The following CTNNA3 variants were observed in gnomAD, a reference collection of about 807,000 sequenced individuals.
The protein encoded by CTNNA3 is catenin alpha-3.
In CTNNA3, 76 loss-of-function variants were observed where a neutral mutation model predicts 95.7. The ratio of observed to expected loss-of-function variants is 0.79; its 90% confidence interval spans 0.66 to 0.96. The LOEUF is 0.96. Ranked by LOEUF, CTNNA3 falls within the 40% of genes least tolerant of loss-of-function variation. The pLI is 0.00. For synonymous variants in CTNNA3, 431 were observed against 374.4 expected (o/e 1.15, Z -1.74); for missense variants, 1,191 against 1,089.8 (o/e 1.09, Z -1.31).
chr10:66,065,374 C>T (rs10996874), intron 15 of CTNNA3, among the ~76,000 whole-genome samples: 25,953 of 151,854 alleles, frequency 0.17, 2,451 homozygotes, highest in South Asian at 0.35. Context: ...TATATTCAAA[C>T]ATCCAGAAGT....
At chr10:67,699,688 T>C (rs902056021), upstream of CTNNA3, among the ~76,000 whole-genome samples, 1 of 152,162 alleles carries the variant, frequency 6.6e-6, no homozygotes, top group Non-Finnish European at 1.5e-5. Flanking sequence ...GCTCCCAGCA[T>C]GAGCGACGCA....
chr10:67,640,529 A>G (rs1040583049), intron 2 of CTNNA3, among the ~76,000 whole-genome samples: 2 of 152,216 alleles, frequency 1.3e-5, no homozygotes, highest in Non-Finnish European at 2.9e-5. Flanking sequence ...GGAACCAAAA[A>G]AGAGCCTGCA....
At chr10:66,447,755 C>T (rs2093433261) in intron 11 of CTNNA3, among the ~76,000 whole-genome samples, 1 of 152,002 alleles carries the variant, frequency 6.6e-6, no homozygotes, top group Non-Finnish European at 1.5e-5. Context: ...CCATTCAGGA[C>T]ATAGGCATGG....
intron 13 of CTNNA3, among the ~76,000 whole-genome samples, chr10:66,277,893 T>C (rs1181148183): frequency 6.6e-6 from 1 of 151,980 alleles, no homozygotes; most frequent in Non-Finnish European, 1.5e-5. Flanking sequence ...CTCAGTTGCA[T>C]GGAACATCAG....
chr10:67,551,284 A>G (rs992240961), intron 3 of CTNNA3, among the ~76,000 whole-genome samples: 25 of 152,236 alleles, frequency 1.6e-4, no homozygotes, highest in African/African-American at 5.5e-4. Flanking sequence ...CGTGAAGAGG[A>G]CATCAAGAGC....
intron 12 of CTNNA3, among the ~76,000 whole-genome samples, chr10:66,298,974 C>T (rs1410373449): frequency 1.3e-5 from 2 of 152,124 alleles, no homozygotes; most frequent in Admixed American, 1.3e-4. Context: ...CATCCCTCTG[C>T]TCATTGAGAT....
At chr10:67,206,882 G>C (rs929008517) in intron 6 of CTNNA3, among the ~76,000 whole-genome samples, 1 of 152,110 alleles carries the variant, frequency 6.6e-6, no homozygotes, top group East Asian at 1.9e-4. Flanking sequence ...TGTAATCCCA[G>C]CACTTTGGGA....
chr10:66,966,787 G>GA (rs1158923465), intron 7 of CTNNA3, among the ~76,000 whole-genome samples: 12 of 151,836 alleles, frequency 7.9e-5, no homozygotes, highest in African/African-American at 2.9e-4. Flanking sequence ...AATAAATATG[G>GA]AAAAAAACAA....
chr10:66,618,545 C>A (rs372302054), intron 10 of CTNNA3, among the ~76,000 whole-genome samples: 127 of 152,054 alleles, frequency 8.4e-4, no homozygotes, highest in Middle Eastern at 3.4e-3. Flanking sequence ...CTTACACCTT[C>A]TACAAAAATT....
intron 3 of CTNNA3, among the ~76,000 whole-genome samples, chr10:67,544,260 C>T (rs1589408915): frequency 1.3e-5 from 2 of 152,096 alleles, no homozygotes; most frequent in Admixed American, 1.3e-4. Flanking sequence ...CCTTTCCTAC[C>T]TGAAACAAAA....
At chr10:66,385,457 C>G (rs2092881690) in intron 11 of CTNNA3, among the ~76,000 whole-genome samples, 1 of 151,994 alleles carries the variant, frequency 6.6e-6, no homozygotes, top group Non-Finnish European at 1.5e-5. Flanking sequence ...TAATAGGCTA[C>G]TAACCAAAAA....
intron 12 of CTNNA3, among the ~76,000 whole-genome samples, chr10:66,324,247 G>A (rs866430402): frequency 1.3e-5 from 2 of 152,088 alleles, no homozygotes; most frequent in Middle Eastern, 3.4e-3. Flanking sequence ...TTGAACCCAG[G>A]AGGCGGAGAT....
intron 12 of CTNNA3, among the ~76,000 whole-genome samples, chr10:66,288,147 C>A (rs1420983868): frequency 6.6e-6 from 1 of 151,822 alleles, no homozygotes; most frequent in Non-Finnish European, 1.5e-5. Context: ...TATTTTTGTG[C>A]AAGAATGAAG....
intron 15 of CTNNA3, among the ~76,000 whole-genome samples, chr10:65,995,863 T>A (rs2078645881): frequency 6.6e-6 from 1 of 152,098 alleles, no homozygotes. Context: ...GATCCCCAGG[T>A]CCCTAGACAA....
chr10:67,540,246 G>T (rs1254564127), intron 3 of CTNNA3, among the ~76,000 whole-genome samples: 2 of 151,796 alleles, frequency 1.3e-5, no homozygotes, highest in East Asian at 3.9e-4. Flanking sequence ...TATTATAAAA[G>T]AAATATGTAT....
At chr10:67,028,521 A>G (rs1054618592) in intron 7 of CTNNA3, among the ~76,000 whole-genome samples, 3 of 152,156 alleles carry the variant, frequency 2.0e-5, no homozygotes, top group Non-Finnish European at 4.4e-5. Context: ...ACTTTAGGCA[A>G]ATAGTCAATG....
At chr10:66,629,674 G>A (rs923252969) in intron 9 of CTNNA3, among the ~76,000 whole-genome samples, 33 of 151,772 alleles carry the variant, frequency 2.2e-4, no homozygotes, top group South Asian at 1.2e-3. Context: ...TCCCTACTAC[G>A]TCTTGCAGTC....
chr10:67,094,716 TA>T (rs1432842238), intron 7 of CTNNA3, among the ~76,000 whole-genome samples: 1 of 151,720 alleles, frequency 6.6e-6, no homozygotes, highest in Non-Finnish European at 1.5e-5. Context: ...ATATTTTATA[TA>T]TTAAAAAATT....
intron 17 of CTNNA3, among the ~76,000 whole-genome samples, chr10:65,926,487 T>A (rs2077170580): frequency 6.6e-6 from 1 of 151,756 alleles, no homozygotes; most frequent in Admixed American, 6.6e-5. Context: ...TTTTTTTTTT[T>A]TTTTTTGAGA....
Sources: allele counts gnomAD v4.1 joint callset (sites outside exome capture counted in the v4.1 genomes callset), GRCh38; gene constraint gnomAD v4.1.1; transcripts MANE v1.5; gene names NCBI Gene and HGNC (gene_info 2026-07-23, HGNC 2026-07-21).